HYDIN: variants seen among roughly 807,000 people sequenced by gnomAD.
HYDIN encodes axonemal central pair apparatus protein HYDIN.
Under a neutral mutation model 403.9 loss-of-function variants are expected in HYDIN, and 132 were observed. The observed-to-expected ratio is 0.33, with a 90% CI of 0.28 to 0.38. HYDIN has a LOEUF of 0.38. Ranked by LOEUF, HYDIN falls within the 10% of genes least tolerant of loss-of-function variation. The pLI is 1.00. For synonymous variants in HYDIN, 1,202 were observed against 1,891.7 expected (o/e 0.64, Z 9.46); for missense variants, 2,827 against 5,009.5 (o/e 0.56, Z 13.15).
Position 71,162,650 on chromosome 16 carries a change from A to G in HYDIN, c.597T>C (p.Ile199=), listed in dbSNP as rs2086048526. The G allele has an allele frequency of 1.2e-6, 1 of 834,450 alleles. No homozygotes were observed. The highest frequency in any genetic ancestry group is 1.7e-5 in the African/African-American group (1 of 58,454). 51.7% of individuals were successfully genotyped at this position (834,450 alleles called of 1,614,324 possible). A position where few individuals can be genotyped will look rare whatever the true frequency, so the allele number is the denominator to read the frequency against. Residue 199 remains isoleucine (I), a synonymous_variant, in exon 6 of 86, where the codon ATT becomes ATC. Transcript: ENST00000393567. ...AATTCAGCTTGTCAGGAAAATCGAG[A>G]ATGGCTCGTGCCCCTCTAGCTTTGA... ...VPIKARGARA[I]LDFPDKLNFS...
chr16:71,081,514 A>G (rs1043053056), intron 12 of HYDIN, among the ~76,000 whole-genome samples: 5 of 152,154 alleles, frequency 3.3e-5, no homozygotes, highest in Non-Finnish European at 7.3e-5. Flanking sequence ...AAATAGATCA[A>G]AAGTGTCCGA....
intron 1 of HYDIN, among the ~76,000 whole-genome samples, chr16:71,202,047 T>C (rs2088045877): frequency 6.6e-6 from 1 of 152,256 alleles, no homozygotes; most frequent in Non-Finnish European, 1.5e-5. Context: ...ATGTTTGCCT[T>C]ACTAAAATAT....
At chr16:71,157,221 C>G (rs923729658) in intron 6 of HYDIN, among the ~76,000 whole-genome samples, 15 of 150,918 alleles carry the variant, frequency 9.9e-5, no homozygotes, top group African/African-American at 3.7e-4. Context: ...AGAACCTAAG[C>G]ATTTTATAAA....
intron 15 of HYDIN, among the ~76,000 whole-genome samples, chr16:71,066,113 C>CT (rs11441210): frequency 6.1e-4 from 89 of 146,202 alleles, no homozygotes; most frequent in East Asian, 1.4e-3. Context: ...CTCTTTAGAC[C>CT]TTTTTTTTTT....
chr16:71,084,339 A>G (rs1354579235), intron 12 of HYDIN, among the ~76,000 whole-genome samples: 2 of 130,908 alleles, frequency 1.5e-5, no homozygotes, highest in African/African-American at 6.9e-5. Context: ...TGATTATCTG[A>G]AAACTATTGC....
At chr16:70,891,452 G>A (rs2041462474) in intron 57 of HYDIN, among the ~76,000 whole-genome samples, 194 bp downstream of exon 57, 1 of 152,272 alleles carries the variant, frequency 6.6e-6, no homozygotes, top group Non-Finnish European at 1.5e-5. Flanking sequence ...GCCTCCCAAA[G>A]CGCTGCGATT....
chr16:70,837,766 T>A lies in HYDIN; in HGVS notation c.13166A>T (p.Gln4389Leu), dbSNP rs2037535265. Reference sequence around the variant, plus strand: ...ATTGATTTCAAAGGGAATGAGTTCTTGATAGTTGATACTTTCTCGAGGATA... The same window carrying A: ...ATTGATTTCAAAGGGAATGAGTTCTAGATAGTTGATACTTTCTCGAGGATA... ...TFYPRESINY[Q>L]ELIPFEINGL... Residue 4389 changes from glutamine to leucine, a missense_variant, in exon 77 of 86, where the codon CAA becomes CTA. Transcript: ENST00000393567. 6.2e-7 allele frequency: 1 copy of A among 1,613,832 alleles called. No individual in the cohort carries two copies. The highest frequency in any genetic ancestry group is 1.7e-5 in the Admixed American group (1 of 59,996).
At chr16:70,872,412 AT>A (rs1284882364) in intron 64 of HYDIN, among the ~76,000 whole-genome samples, 3,470 of 134,054 alleles carry the variant, frequency 0.026, 147 homozygotes, top group African/African-American at 0.11. Flanking sequence ...CCATCCATCC[AT>A]CATCCACCCA....
At chr16:70,890,395 A>G (rs1229334456) in intron 57 of HYDIN, among the ~76,000 whole-genome samples, 5 of 152,240 alleles carry the variant, frequency 3.3e-5, no homozygotes, top group Non-Finnish European at 5.9e-5. Context: ...AAAGCAAAAC[A>G]GAATTAAGTC....
At chr16:70,859,002 A>T (rs1279450931) in intron 71 of HYDIN, among the ~76,000 whole-genome samples, 1 of 151,904 alleles carries the variant, frequency 6.6e-6, no homozygotes, top group Non-Finnish European at 1.5e-5. Flanking sequence ...AGGGCTTCAC[A>T]TAGAACTTTG....
intron 3 of HYDIN, among the ~76,000 whole-genome samples, chr16:71,182,962 G>A (rs533231622): frequency 2.7e-4 from 41 of 152,082 alleles, no homozygotes; most frequent in African/African-American, 9.4e-4. Flanking sequence ...TGAATAAAAG[G>A]GTACAAAAAA....
rs575200294 is a variant in HYDIN, at chr16:70,923,620, G to T, written c.7159-2403C>A. Among the ~76,000 whole-genome samples the T allele has an allele frequency of 3.0e-3, 379 of 124,532 alleles. 3 individuals carry two copies. Among genetic ancestry groups the T allele is most frequent in the African/African-American group, 0.012 (371 of 32,130 alleles). The allele number at this position is 124,532 out of a possible 152,430, so 81.7% of individuals were successfully genotyped here. A position where few individuals can be genotyped will look rare whatever the true frequency, so the allele number is the denominator to read the frequency against. Reference sequence around the variant, plus strand: ...GATCTAGACCATCCTGGCTAACACGGTGAAACCCCGTCTCTACTAAAAAAT... The same window carrying T: ...GATCTAGACCATCCTGGCTAACACGTTGAAACCCCGTCTCTACTAAAAAAT... On this transcript the variant is annotated intron_variant, in intron 45 of 85. Coordinates refer to ENST00000393567, the MANE Select transcript of HYDIN (RefSeq NM_001270974.2).
chr16:70,943,029 A>G (rs1419224105), intron 42 of HYDIN, among the ~76,000 whole-genome samples: 1 of 152,158 alleles, frequency 6.6e-6, no homozygotes, highest in East Asian at 1.9e-4. Context: ...GGGAACGTCA[A>G]GTTAATTTTG....
intron 9 of HYDIN, among the ~76,000 whole-genome samples, chr16:71,118,081 C>A (rs58500897): frequency 3.6e-4 from 55 of 152,250 alleles, no homozygotes; most frequent in African/African-American, 1.3e-3. Flanking sequence ...TCTGTGACCC[C>A]CTCTGGGCTG....
At chr16:70,830,070 G>A (rs946001656) in intron 80 of HYDIN, among the ~76,000 whole-genome samples, 2 of 152,140 alleles carry the variant, frequency 1.3e-5, no homozygotes, top group African/African-American at 4.8e-5. Flanking sequence ...AAAAATCTCT[G>A]CCCTTGAGCT....
intron 7 of HYDIN, among the ~76,000 whole-genome samples, chr16:71,143,893 A>G (rs368931702): frequency 7.6e-3 from 1,120 of 146,768 alleles, no homozygotes; most frequent in South Asian, 0.021. Context: ...CGTGTGAAGC[A>G]CTAATATTAT....
chr16:71,008,333 G>C (rs1163262125), intron 23 of HYDIN, among the ~76,000 whole-genome samples: 1 of 152,156 alleles, frequency 6.6e-6, no homozygotes, highest in Non-Finnish European at 1.5e-5. Flanking sequence ...TCTGGGATCT[G>C]CTGTGTGGGC....
intron 10 of HYDIN, among the ~76,000 whole-genome samples, chr16:71,098,149 A>G (rs1459254984): frequency 2.6e-5 from 4 of 152,064 alleles, no homozygotes; most frequent in Admixed American, 2.6e-4. Flanking sequence ...AGGGTCCTCT[A>G]AAGATCAGGT....
chr16:70,895,789 C>T (rs893351002), intron 54 of HYDIN, among the ~76,000 whole-genome samples, 192 bp downstream of exon 54: 4 of 151,846 alleles, frequency 2.6e-5, no homozygotes, highest in African/African-American at 9.7e-5. Context: ...CCGCTTTCTA[C>T]CTCTGGTTGG....
Sources: gnomAD v4.1 joint callset for allele counts (sites outside exome capture counted in the v4.1 genomes callset) on GRCh38, gnomAD v4.1.1 for gene constraint, MANE v1.5 for transcripts, NCBI Gene and HGNC (gene_info 2026-07-23, HGNC 2026-07-21) for gene names.